STPG2: variants seen among roughly 807,000 people sequenced by gnomAD.
The protein encoded by STPG2 is sperm-tail PG-rich repeat-containing protein 2.
Under a neutral mutation model 54.2 loss-of-function variants are expected in STPG2, and 56 were observed. The ratio of observed to expected loss-of-function variants is 1.03; its 90% CI spans 0.83 to 1.29. STPG2 has a LOEUF of 1.29. Among genes scored for constraint, STPG2 ranks in the 50% most tolerant of loss-of-function variants. The pLI, the probability that STPG2 is intolerant of heterozygous loss-of-function variation, is 0.00. For synonymous variants in STPG2, 200 were observed against 181.8 expected (o/e 1.10, Z -0.81); for missense variants, 596 against 544.9 (o/e 1.09, Z -0.93).
intron 8 of STPG2, among the ~76,000 whole-genome samples, chr4:97,860,119 G>C (rs1729470589): frequency 6.6e-6 from 1 of 152,184 alleles, no homozygotes; most frequent in Non-Finnish European, 1.5e-5. Context: ...ATGCTGTCTT[G>C]TTAACCATAG....
chr4:97,692,859 T>C (rs1459033481), intron 10 of STPG2, among the ~76,000 whole-genome samples: 2 of 152,102 alleles, frequency 1.3e-5, no homozygotes. Context: ...TAAGCAGAAA[T>C]CCTACAAGCG....
At chr4:97,920,221 A>G (rs1264134955) in intron 8 of STPG2, among the ~76,000 whole-genome samples, 3 of 152,190 alleles carry the variant, frequency 2.0e-5, no homozygotes, top group African/African-American at 7.2e-5. Context: ...CAGAACTCAT[A>G]AGTCCAGCAA....
chr4:97,884,408 A>C (rs1409512143), intron 8 of STPG2, among the ~76,000 whole-genome samples: 1 of 152,178 alleles, frequency 6.6e-6, no homozygotes, highest in Non-Finnish European at 1.5e-5. Context: ...ATAAGTTCAA[A>C]TTGAGATTCT....
chr4:97,731,501 G>T lies in STPG2; in HGVS notation c.1205-18687C>A, dbSNP rs550205110. Among the ~76,000 whole-genome samples, 4 of 152,284 alleles carry T rather than the reference G, an allele frequency of 2.6e-5. No individual in the cohort carries two copies. In the South Asian group the frequency reaches 8.3e-4, roughly 32 times the overall value. ...GAAGCCTAGAGAGGAAGGTTGGGAA[G>T]CCTAGAGATGAAGCCTAGGAAGCTC... On this transcript the variant is annotated intron_variant, in intron 9 of 10. Transcript: ENST00000295268.
At chr4:97,887,663 G>T (rs1730628709) in intron 8 of STPG2, among the ~76,000 whole-genome samples, 1 of 152,228 alleles carries the variant, frequency 6.6e-6, no homozygotes, top group Non-Finnish European at 1.5e-5. Context: ...GCCTGCTCAT[G>T]TGGTAAGAAA....
At chr4:97,919,750 A>G (rs1732026823) in intron 8 of STPG2, among the ~76,000 whole-genome samples, 1 of 152,184 alleles carries the variant, frequency 6.6e-6, no homozygotes, top group South Asian at 2.1e-4. Flanking sequence ...GAATAACTCA[A>G]TCTTGGAAAA....
At chr4:97,897,555 C>T (rs775016381) in intron 8 of STPG2, among the ~76,000 whole-genome samples, 1 of 152,266 alleles carries the variant, frequency 6.6e-6, no homozygotes, top group Non-Finnish European at 1.5e-5. Context: ...TCTCTGCAAC[C>T]TTGTCAGCAT....
intron 5 of STPG2, among the ~76,000 whole-genome samples, chr4:98,090,872 C>T (rs1319451417): frequency 6.6e-6 from 1 of 151,818 alleles, no homozygotes; most frequent in Admixed American, 6.6e-5. Context: ...TAGTTGAGAT[C>T]CTCCTCAATT....
At position 97,915,834 on chromosome 4, in the gene STPG2, T is replaced by C. The variant is rs529631649; in HGVS notation, c.1044+28063A>G. Among the ~76,000 whole-genome samples the C allele has an allele frequency of 5.9e-5, 9 of 152,212 alleles. No individual in the cohort carries two copies. The East Asian group carries it at 1.5e-3, about 26-fold the overall frequency. On this transcript the variant is annotated intron_variant, in intron 8 of 10. Transcript: ENST00000295268. ...GGCAATGGTGAGCCACTGTAGGTTT[T>C]TGAGATGGGACATAGTCAGAGCTAT...
At chr4:97,475,393 CTT>C (rs1730045230) in intron 4 of STPG2, among the ~76,000 whole-genome samples, 1 of 151,026 alleles carries the variant, frequency 6.6e-6, no homozygotes, top group African/African-American at 2.4e-5. Flanking sequence ...AATCTTCACT[CTT>C]TAACTACAAT....
At chr4:97,844,428 G>A (rs1728888070) in intron 8 of STPG2, among the ~76,000 whole-genome samples, 1 of 151,836 alleles carries the variant, frequency 6.6e-6, no homozygotes, top group South Asian at 2.1e-4. Flanking sequence ...ATTCATTTTT[G>A]AATAATAGTT....
chr4:97,983,535 G>A (rs1190158902), intron 5 of STPG2, among the ~76,000 whole-genome samples: 3 of 152,118 alleles, frequency 2.0e-5, no homozygotes, highest in Non-Finnish European at 4.4e-5. Context: ...ATTCATTACT[G>A]AGCAGGTGGG....
At chr4:97,728,395 T>A (rs1378418650) in intron 9 of STPG2, among the ~76,000 whole-genome samples, 2 of 152,108 alleles carry the variant, frequency 1.3e-5, no homozygotes, top group Middle Eastern at 3.2e-3. Flanking sequence ...AGTATTTACC[T>A]TTACTAGTAT....
intron 3 of STPG2, among the ~76,000 whole-genome samples, chr4:98,119,242 C>G (rs1739604714): frequency 6.6e-6 from 1 of 152,096 alleles, no homozygotes; most frequent in Non-Finnish European, 1.5e-5. Context: ...TACCTTGTTA[C>G]TCTTAACATG....
Position 98,025,482 on chromosome 4 carries a change from G to A in STPG2, c.613-44164C>T, listed in dbSNP as rs560052283. The stretch of plus-strand genomic sequence containing the variant: ...AAGGGTAAAACTGAATACCATGCTT[G>A]GAAACACTTAGTGATACAGGATAAA... On this transcript the variant is annotated intron_variant, in intron 5 of 10. Transcript: ENST00000295268. 8 of 544,196 alleles carry A rather than the reference G, an allele frequency of 1.5e-5. No individual in the cohort carries two copies. In the East Asian group the frequency reaches 3.2e-4, roughly 22 times the overall value. 33.7% of individuals were successfully genotyped at this position (544,196 alleles called of 1,614,324 possible).
chr4:97,892,346 A>C (rs1308698497), intron 8 of STPG2, among the ~76,000 whole-genome samples: 4 of 152,088 alleles, frequency 2.6e-5, no homozygotes, highest in Admixed American at 6.6e-5. Flanking sequence ...CATCACTTGC[A>C]CTCTCATGCA....
downstream of STPG2, among the ~76,000 whole-genome samples, chr4:97,554,199 A>C (rs945588374): frequency 6.6e-6 from 1 of 152,122 alleles, no homozygotes; most frequent in African/African-American, 2.4e-5. Flanking sequence ...GAAAGGTGAG[A>C]GCTGGGGTTT....
intron 4 of STPG2, among the ~76,000 whole-genome samples, chr4:97,448,495 G>A (rs760228648): frequency 1.3e-5 from 2 of 152,074 alleles, no homozygotes; most frequent in Non-Finnish European, 2.9e-5. Context: ...CTGTTCTCAT[G>A]ATAGTGACTG....
intron 5 of STPG2, among the ~76,000 whole-genome samples, chr4:98,081,022 T>C (rs1483750812): frequency 1.3e-5 from 2 of 152,204 alleles, no homozygotes; most frequent in African/African-American, 4.8e-5. Flanking sequence ...TATGTCCTTG[T>C]CCTGCCTCTC....
Sources: allele counts gnomAD v4.1 joint callset (sites outside exome capture counted in the v4.1 genomes callset), GRCh38; gene constraint gnomAD v4.1.1; transcripts MANE v1.5; gene names NCBI Gene and HGNC (gene_info 2026-07-23, HGNC 2026-07-21).